Variants in PRKD1 observed in about 807,000 individuals in gnomAD.
PRKD1 encodes the protein serine/threonine-protein kinase D1.
In PRKD1, 63 loss-of-function variants were observed where a neutral mutation model predicts 95.9. That is an observed-to-expected ratio of 0.66 (90% confidence interval 0.54 to 0.81). The LOEUF (loss-of-function observed/expected upper bound fraction) is 0.81. Ranked by LOEUF, PRKD1 falls within the 30% of genes least tolerant of loss-of-function variation. The pLI, the probability that PRKD1 is intolerant of heterozygous loss-of-function variation, is 0.00. For synonymous variants in PRKD1, 425 were observed against 423.1 expected (o/e 1.00, Z -0.05); for missense variants, 1,048 against 1,165.3 (o/e 0.90, Z 1.47).
At chr14:29,741,110 G>A (rs923053581) in intron 1 of PRKD1, among the ~76,000 whole-genome samples, 1 of 152,116 alleles carries the variant, frequency 6.6e-6, no homozygotes, top group Non-Finnish European at 1.5e-5. Flanking sequence ...CCTAATTGAG[G>A]GTGGAGGGTA....
chr14:29,880,776 G>C (rs542737895), intron 1 of PRKD1, among the ~76,000 whole-genome samples: 1 of 152,332 alleles, frequency 6.6e-6, no homozygotes, highest in South Asian at 2.1e-4. Flanking sequence ...TTCCATCAGT[G>C]TGACCTGGAT....
chr14:29,725,948 TA>T (rs1158324228), intron 1 of PRKD1, among the ~76,000 whole-genome samples: 1 of 152,140 alleles, frequency 6.6e-6, no homozygotes, highest in Non-Finnish European at 1.5e-5. Context: ...AGATAAGATT[TA>T]AATAAGTTCT....
At chr14:29,817,782 T>G (rs1220654063) in intron 1 of PRKD1, among the ~76,000 whole-genome samples, 2 of 152,114 alleles carry the variant, frequency 1.3e-5, no homozygotes, top group East Asian at 3.9e-4. Flanking sequence ...TCCCTAATTC[T>G]TCTTATAAAT....
intron 1 of PRKD1, among the ~76,000 whole-genome samples, chr14:29,790,722 A>C (rs1001733881): frequency 2.0e-5 from 3 of 152,224 alleles, no homozygotes; most frequent in African/African-American, 4.8e-5. Context: ...TAAAACTATT[A>C]GATTATGACG....
At chr14:29,856,945 C>G (rs1253251321) in intron 1 of PRKD1, among the ~76,000 whole-genome samples, 1 of 152,176 alleles carries the variant, frequency 6.6e-6, no homozygotes, top group Non-Finnish European at 1.5e-5. Flanking sequence ...AATCACCAGT[C>G]ACTTATTTCT....
At chr14:29,579,559 G>A (rs1892685090) in intron 16 of PRKD1, among the ~76,000 whole-genome samples, 1 of 152,116 alleles carries the variant, frequency 6.6e-6, no homozygotes, top group Admixed American at 6.6e-5. Context: ...GCATCAACCT[G>A]TATGGACCTG....
intron 13 of PRKD1, among the ~76,000 whole-genome samples, chr14:29,601,366 G>A (rs1294410524): frequency 2.0e-5 from 3 of 152,148 alleles, no homozygotes; most frequent in Non-Finnish European, 4.4e-5. Flanking sequence ...TGATTCTGAT[G>A]CCTTGGGTCA....
chr14:29,593,277 C>T (rs1182613985), intron 16 of PRKD1, among the ~76,000 whole-genome samples: 2 of 152,094 alleles, frequency 1.3e-5, no homozygotes, highest in Non-Finnish European at 2.9e-5. Flanking sequence ...ACACCATTTG[C>T]TAAGTTTTCT....
intron 1 of PRKD1, among the ~76,000 whole-genome samples, chr14:29,916,650 C>T (rs1894899155): frequency 1.3e-5 from 2 of 152,206 alleles, no homozygotes. Context: ...CATGTTCTTA[C>T]TTGCAGATTT....
At chr14:29,814,334 T>C (rs1273499368) in intron 1 of PRKD1, among the ~76,000 whole-genome samples, 1 of 152,200 alleles carries the variant, frequency 6.6e-6, no homozygotes, top group Non-Finnish European at 1.5e-5. Context: ...TGCATCTTCC[T>C]CTTTCCAAGT....
chr14:29,801,391 G>T (rs575174505), intron 1 of PRKD1, among the ~76,000 whole-genome samples: 1 of 152,276 alleles, frequency 6.6e-6, no homozygotes, highest in Non-Finnish European at 1.5e-5. Flanking sequence ...AAGTTGACAC[G>T]TGTAGCTAGC....
At chr14:29,737,771 G>A (rs760726542) in intron 1 of PRKD1, among the ~76,000 whole-genome samples, 2 of 152,100 alleles carry the variant, frequency 1.3e-5, no homozygotes, top group African/African-American at 2.4e-5. Context: ...TTCTGAAAGC[G>A]GTAGATCCTG....
intron 1 of PRKD1, among the ~76,000 whole-genome samples, chr14:29,906,708 C>A (rs1285296787): frequency 1.3e-5 from 2 of 152,220 alleles, no homozygotes; most frequent in Admixed American, 1.3e-4. Flanking sequence ...CTAAAAAGTT[C>A]TTGGCTGGAG....
At chr14:29,923,138 A>T (rs1895179863) in intron 1 of PRKD1, among the ~76,000 whole-genome samples, 1 of 149,934 alleles carries the variant, frequency 6.7e-6, no homozygotes, top group African/African-American at 2.4e-5. Context: ...GGCTGAGGTG[A>T]GAGGATCACT....
At chr14:29,851,168 A>G (rs1566636318) in intron 1 of PRKD1, among the ~76,000 whole-genome samples, 1 of 152,050 alleles carries the variant, frequency 6.6e-6, no homozygotes, top group African/African-American at 2.4e-5. Context: ...TGGCCTGGGC[A>G]AAGAATTTAT....
chr14:29,641,523 T>A (rs45617734), intron 4 of PRKD1, among the ~76,000 whole-genome samples: 4,397 of 152,250 alleles, frequency 0.029, 212 homozygotes, highest in African/African-American at 0.1. Flanking sequence ...AATGAACACC[T>A]TGGGAAAGCG....
intron 1 of PRKD1, among the ~76,000 whole-genome samples, chr14:29,740,852 C>A (rs1009833243): frequency 1.3e-5 from 2 of 152,162 alleles, no homozygotes; most frequent in Non-Finnish European, 2.9e-5. Flanking sequence ...TGGAATCAAC[C>A]TAAATGCCCA....
At chr14:29,787,293 T>G (rs1454733305) in intron 1 of PRKD1, among the ~76,000 whole-genome samples, 1 of 150,304 alleles carries the variant, frequency 6.7e-6, no homozygotes, top group Non-Finnish European at 1.5e-5. Flanking sequence ...TGAGAAGATG[T>G]GTATTCTTCA....
chr14:29,914,807 C>T (rs907137455), intron 1 of PRKD1, among the ~76,000 whole-genome samples: 2 of 151,350 alleles, frequency 1.3e-5, no homozygotes, highest in Admixed American at 1.3e-4. Context: ...GAGTCTTGCT[C>T]TGTCGCCCAG....
Sources: gnomAD v4.1 joint callset for allele counts (sites outside exome capture counted in the v4.1 genomes callset) on GRCh38, gnomAD v4.1.1 for gene constraint, MANE v1.5 for transcripts, NCBI Gene and HGNC (gene_info 2026-07-23, HGNC 2026-07-21) for gene names.